Variants in CFAP99 observed in about 807,000 individuals in gnomAD.
CFAP99 encodes the protein cilia and flagella associated protein 99.
In CFAP99, 84 loss-of-function variants were observed where a neutral mutation model predicts 82.7. The ratio of observed to expected loss-of-function variants is 1.02; its 90% confidence interval spans 0.85 to 1.22. CFAP99 has a LOEUF of 1.22. Ranked by LOEUF, CFAP99 falls within the 50% of genes most tolerant of loss-of-function variation. The pLI, the probability that CFAP99 is intolerant of heterozygous loss-of-function variation, is 0.00. For missense variants in CFAP99, 1,059 were observed against 983.5 expected (o/e 1.08, Z -1.03); for synonymous variants, 456 against 429.5 (o/e 1.06, Z -0.76).
chr4:2,451,405 G>C (rs1734298794), intron 10 of CFAP99, 53 bp downstream of exon 10: 1 of 1,512,632 alleles, frequency 6.6e-7, no homozygotes, highest in South Asian at 1.2e-5. Flanking sequence ...CCCTTGAGAG[G>C]AAAGGCTCAG....
At chr4:2,429,383 T>TAA (rs1733752026) in intron 2 of CFAP99, 1 of 152,234 alleles carries the variant, frequency 6.6e-6, no homozygotes, top group Admixed American at 6.5e-5. Context: ...TAGATGAGAC[T>TAA]AATATGTTAC....
At chr4:2,460,084 A>G in exon 14 of CFAP99, 1 of 1,536,102 alleles carries the variant, frequency 6.5e-7, no homozygotes, top group South Asian at 1.2e-5. Context: ...TGGAGCTGCG[A>G]GAGCGGCTGG....
At position 2,446,368 on chromosome 4, in the gene CFAP99, GTTATTATTATTATTATTA is replaced by G. The variant is rs146154713; in HGVS notation, c.642+1084_642+1101del. ...CTTTTTATTTCATTTTATTATTGTT[GTTATTATTATTATTATTA>G]TTATTATTATTATTATTATTATTTG... On this transcript the variant is annotated intron_variant, in intron 6 of 14. Transcript: ENST00000635017. This position sits in a 1 kb window ranked among gnomAD's most constrained non-coding sequence, Gnocchi z 5.0. Among the ~76,000 whole-genome samples the G allele has an allele frequency of 0.75, 111,327 of 148,392 alleles. 41,867 individuals are homozygous for G. Among genetic ancestry groups the G allele is most frequent in the Admixed American group, 0.79 (11,701 of 14,904 alleles).
chr4:2,433,091 C>T (rs539786912), intron 2 of CFAP99, among the ~76,000 whole-genome samples: 56 of 152,134 alleles, frequency 3.7e-4, no homozygotes, highest in South Asian at 8.3e-4. Context: ...CCCAGCCTGG[C>T]GTGGACTGGG....
At chr4:2,431,038 C>T (rs1733790125) in intron 2 of CFAP99, among the ~76,000 whole-genome samples, 1 of 151,624 alleles carries the variant, frequency 6.6e-6, no homozygotes, top group South Asian at 2.1e-4. Flanking sequence ...CACCACTGCA[C>T]TGCAGCCTGG....
chr4:2,443,838 C>T (rs934566299), intron 5 of CFAP99, among the ~76,000 whole-genome samples: 1 of 152,212 alleles, frequency 6.6e-6, no homozygotes, highest in African/African-American at 2.4e-5. Context: ...AACCCCCAGG[C>T]AGAGGGGTCA....
exon 10 of CFAP99, chr4:2,451,351 A>T: frequency 6.5e-7 from 1 of 1,535,250 alleles, no homozygotes. Context: ...GGAGCTGCAG[A>T]GGTGAAGGGC....
chr4:2,447,020 GTAGA>G (rs1308484818), intron 6 of CFAP99, among the ~76,000 whole-genome samples: 2 of 150,688 alleles, frequency 1.3e-5, no homozygotes, highest in African/African-American at 2.4e-5. Flanking sequence ...GGATGGATGG[GTAGA>G]TGGATGGATG....
exon 12 of CFAP99, chr4:2,458,735 A>G (rs1042919279): frequency 2.6e-6 from 4 of 1,534,562 alleles, no homozygotes; most frequent in East Asian, 2.4e-5. Context: ...GGCCAAGCTG[A>G]TGCTGCAGCG....
At chr4:2,452,239 A>T in exon 11 of CFAP99, 1 of 1,536,126 alleles carries the variant, frequency 6.5e-7, no homozygotes, top group Non-Finnish European at 8.7e-7. Flanking sequence ...GCTGGCTGCA[A>T]GCGAGTGCCG....
chr4:2,428,044 C>T (rs1049435302), intron 2 of CFAP99: 8 of 152,686 alleles, frequency 5.2e-5, no homozygotes, highest in Non-Finnish European at 1.2e-4. Flanking sequence ...CCAGCTCTTT[C>T]CCTGAGCCCC....
exon 10 of CFAP99, chr4:2,451,338 G>A (rs1043407425): frequency 3.0e-5 from 46 of 1,535,606 alleles, no homozygotes; most frequent in Non-Finnish European, 3.9e-5. Context: ...GGCAGGTGGA[G>A]CAGGAGCTGC....
intron 4 of CFAP99, among the ~76,000 whole-genome samples, chr4:2,442,889 G>T (rs1186913843): frequency 6.9e-6 from 1 of 144,136 alleles, no homozygotes; most frequent in Non-Finnish European, 1.5e-5. Flanking sequence ...GCTCACTGGG[G>T]GTGCTGGGGG....
chr4:2,440,122 G>A (rs1225954257), intron 4 of CFAP99, among the ~76,000 whole-genome samples: 3 of 146,540 alleles, frequency 2.0e-5, no homozygotes, highest in African/African-American at 5.1e-5. Flanking sequence ...GATTACAGGC[G>A]TGAGCCACTG....
chr4:2,442,076 G>A (rs1578473310), intron 4 of CFAP99, among the ~76,000 whole-genome samples: 1 of 152,316 alleles, frequency 6.6e-6, no homozygotes, highest in Middle Eastern at 3.4e-3. Context: ...CCACACCCCA[G>A]TGAGGATGGG....
chr4:2,441,354 C>A, intron 4 of CFAP99, among the ~76,000 whole-genome samples: 1 of 133,920 alleles, frequency 7.5e-6, no homozygotes, highest in African/African-American at 2.9e-5. Context: ...GCCTGGGCGA[C>A]AGAGCGAGAC....
At chr4:2,435,607 T>C (rs1733890436) in intron 2 of CFAP99, among the ~76,000 whole-genome samples, 1 of 152,126 alleles carries the variant, frequency 6.6e-6, no homozygotes, top group South Asian at 2.1e-4. Context: ...TAATGATAAT[T>C]CACAGAAAAA....
At chr4:2,452,232 G>A in exon 11 of CFAP99, 1 of 1,536,176 alleles carries the variant, frequency 6.5e-7, no homozygotes, top group Non-Finnish European at 8.7e-7. Context: ...AGGAGCAGCT[G>A]GCTGCAAGCG....
intron 3 of CFAP99, among the ~76,000 whole-genome samples, chr4:2,437,573 A>T (rs1733945466): frequency 6.6e-6 from 1 of 152,128 alleles, no homozygotes; most frequent in East Asian, 1.9e-4. Flanking sequence ...CGAGCGCTGT[A>T]GGGTACTGGG....
Sources: gnomAD v4.1 joint callset for allele counts (sites outside exome capture counted in the v4.1 genomes callset) on GRCh38, gnomAD v4.1.1 for gene constraint, Gnocchi (gnomAD v3.1) non-coding constraint, MANE v1.5 for transcripts, NCBI Gene and HGNC (gene_info 2026-07-23, HGNC 2026-07-21) for gene names.